PLXNA4: variants seen among roughly 807,000 people sequenced by gnomAD.
The protein encoded by PLXNA4 is plexin A4.
In PLXNA4, 44 loss-of-function variants were observed where a neutral mutation model predicts 191.8. The observed-to-expected ratio is 0.23, with a 90% CI of 0.18 to 0.29. PLXNA4 has a LOEUF of 0.29. PLXNA4 is among the 10% of genes least tolerant of loss of function. The pLI is 1.00. For missense variants in PLXNA4, 1,800 were observed against 2,488.8 expected (o/e 0.72, Z 5.89); for synonymous variants, 1,082 against 1,009.5 (o/e 1.07, Z -1.36).
chr7:132,462,444 T>C (rs749543528), intron 3 of PLXNA4, among the ~76,000 whole-genome samples: 36 of 152,128 alleles, frequency 2.4e-4, no homozygotes, highest in Non-Finnish European at 5.9e-5. Flanking sequence ...CTAAAAACCA[T>C]GTTTGAAGGG....
chr7:132,429,552 A>G (rs757152664), intron 3 of PLXNA4, among the ~76,000 whole-genome samples: 1 of 152,164 alleles, frequency 6.6e-6, no homozygotes, highest in Non-Finnish European at 1.5e-5. Context: ...TGTAACTTGA[A>G]TTTCATATTA....
chr7:132,249,898 A>C (rs1185501549), intron 4 of PLXNA4, among the ~76,000 whole-genome samples: 1 of 152,252 alleles, frequency 6.6e-6, no homozygotes, highest in African/African-American at 2.4e-5. Flanking sequence ...ACCTACGGGC[A>C]GATCACCAAG....
intron 2 of PLXNA4, among the ~76,000 whole-genome samples, chr7:132,644,815 T>A (rs1445494440): frequency 6.6e-6 from 1 of 152,174 alleles, no homozygotes; most frequent in Non-Finnish European, 1.5e-5. Context: ...TATTAGGACC[T>A]TTGACAAAAA....
At chr7:132,598,599 A>G (rs1188441767) in intron 2 of PLXNA4, among the ~76,000 whole-genome samples, 1 of 152,182 alleles carries the variant, frequency 6.6e-6, no homozygotes, top group Non-Finnish European at 1.5e-5. Flanking sequence ...TTACCTATTC[A>G]TAACCTTTCC....
At chr7:132,428,423 G>A (rs1261505216) in intron 3 of PLXNA4, among the ~76,000 whole-genome samples, 1 of 152,224 alleles carries the variant, frequency 6.6e-6, no homozygotes, top group African/African-American at 2.4e-5. Flanking sequence ...CCGATGCCAG[G>A]AGGCGAGGAC....
At chr7:132,181,804 GGTTT>G (rs2116744180) in intron 17 of PLXNA4, among the ~76,000 whole-genome samples, 184 bp from the exon 18 acceptor site, 1 of 152,310 alleles carries the variant, frequency 6.6e-6, no homozygotes, top group South Asian at 2.1e-4. Flanking sequence ...ACCCAGCTCC[GGTTT>G]TGCCCATAGT....
chr7:132,152,839 A>T (rs1327906251), intron 25 of PLXNA4, among the ~76,000 whole-genome samples: 2 of 152,124 alleles, frequency 1.3e-5, no homozygotes, highest in African/African-American at 4.8e-5. Flanking sequence ...CTTCTCCTAC[A>T]AAAGAGGACA....
chr7:132,317,684 G>C (rs1161632242), intron 3 of PLXNA4, among the ~76,000 whole-genome samples: 1 of 152,232 alleles, frequency 6.6e-6, no homozygotes, highest in Non-Finnish European at 1.5e-5. Context: ...GGCATTCAGT[G>C]ACCATTTGCC....
intron 26 of PLXNA4, 139 bp downstream of exon 26, chr7:132,148,404 C>T: frequency 1.6e-6 from 2 of 1,287,302 alleles, no homozygotes; most frequent in Non-Finnish European, 1.1e-6. Flanking sequence ...CTGGGAGACA[C>T]CAATTTCCTC....
At chr7:132,485,095 C>T in intron 3 of PLXNA4, 2 of 1,567,860 alleles carry the variant, frequency 1.3e-6, no homozygotes, top group Non-Finnish European at 1.7e-6. Flanking sequence ...CATGACAATT[C>T]CCAATAAGAA....
chr7:132,379,339 T>C (rs1367379832), intron 3 of PLXNA4, among the ~76,000 whole-genome samples: 1 of 152,154 alleles, frequency 6.6e-6, no homozygotes, highest in Non-Finnish European at 1.5e-5. Flanking sequence ...TCCCTCCTCA[T>C]GTGGGAGCCT....
intron 1 of PLXNA4, among the ~76,000 whole-genome samples, chr7:132,561,030 C>T (rs1325864501): frequency 6.6e-6 from 1 of 152,060 alleles, no homozygotes. Context: ...CCTTGGAGAT[C>T]GCCAAGGCCT....
At chr7:132,348,196 A>G (rs1409396252) in intron 3 of PLXNA4, among the ~76,000 whole-genome samples, 1 of 152,174 alleles carries the variant, frequency 6.6e-6, no homozygotes, top group Non-Finnish European at 1.5e-5. Context: ...CACTCACTGA[A>G]TAACCTTGCC....
At chr7:132,515,215 A>G (rs572619103) in intron 1 of PLXNA4, among the ~76,000 whole-genome samples, 1 of 152,274 alleles carries the variant, frequency 6.6e-6, no homozygotes, top group Non-Finnish European at 1.5e-5. Context: ...CAGGGGTGAG[A>G]GCAGGGGACA....
chr7:132,285,669 G>A (rs1249244376), intron 4 of PLXNA4, among the ~76,000 whole-genome samples: 2 of 152,168 alleles, frequency 1.3e-5, no homozygotes, highest in African/African-American at 4.8e-5. Context: ...GTGAACAAGG[G>A]CATAAATTAA....
At chr7:132,202,867 G>T in intron 11 of PLXNA4, 31 bp from the exon 12 acceptor site, 2 of 1,504,176 alleles carry the variant, frequency 1.3e-6, no homozygotes, top group Non-Finnish European at 1.8e-6. Context: ...GACAAGGGGT[G>T]CTTGGGAATG....
intron 5 of PLXNA4, among the ~76,000 whole-genome samples, chr7:132,229,327 C>T (rs907508869): frequency 2.6e-5 from 4 of 152,146 alleles, no homozygotes; most frequent in Non-Finnish European, 5.9e-5. Flanking sequence ...ATCTTGCAGT[C>T]CTAGCTGATG....
chr7:132,136,510 G>A (rs1795117195), intron 30 of PLXNA4, among the ~76,000 whole-genome samples: 1 of 152,148 alleles, frequency 6.6e-6, no homozygotes, highest in Non-Finnish European at 1.5e-5. Flanking sequence ...GCTCACAGCA[G>A]GGAGGAGGCC....
At chr7:132,208,705 G>A (rs1448958739) in intron 10 of PLXNA4, among the ~76,000 whole-genome samples, 1 of 152,176 alleles carries the variant, frequency 6.6e-6, no homozygotes, top group Non-Finnish European at 1.5e-5. Flanking sequence ...GTCACTTGCT[G>A]ATTTCTTGAG....
Sources: allele counts gnomAD v4.1 joint callset (sites outside exome capture counted in the v4.1 genomes callset), GRCh38; gene constraint gnomAD v4.1.1; transcripts MANE v1.5; gene names NCBI Gene and HGNC (gene_info 2026-07-23, HGNC 2026-07-21).